The following UBQLN4 variants were observed in gnomAD, a reference collection of about 807,000 sequenced individuals.
UBQLN4 encodes ubiquilin 4, also known as ubiquilin-4.
UBQLN4 carries 11 observed loss-of-function variants against 60.4 expected under a neutral mutation model. The ratio of observed to expected loss-of-function variants is 0.18; its 90% CI spans 0.11 to 0.30. The LOEUF (loss-of-function observed/expected upper bound fraction) is 0.30. UBQLN4 is among the 10% of genes least tolerant of loss of function. The probability of loss-of-function intolerance (pLI) is 1.00; values close to 1 mark genes in which losing one functional copy is unlikely to be tolerated. For missense variants in UBQLN4, 417 were observed against 795.5 expected, an observed-to-expected ratio of 0.52 and a Z score of 5.72; for synonymous variants, 258 against 313.1, an observed-to-expected ratio of 0.82 and a Z score of 1.86.
At chr1:156,033,631 T>TCA (rs1195466987), downstream of UBQLN4, among the ~76,000 whole-genome samples, 1 of 151,832 alleles carries the variant, frequency 6.6e-6, no homozygotes, top group Admixed American at 6.6e-5. Flanking sequence ...TCACCTGAGG[T>TCA]CAGAAGTTCG....
intron 8 of UBQLN4, 55 bp downstream of exon 8, chr1:156,042,098 G>T: frequency 6.2e-7 from 1 of 1,609,362 alleles, no homozygotes; most frequent in African/African-American, 1.3e-5. Context: ...CACCCATTGG[G>T]CTTCAGGGAC....
At chr1:156,045,848 A>G (rs1350388551) in intron 5 of UBQLN4, among the ~76,000 whole-genome samples, 2 of 152,150 alleles carry the variant, frequency 1.3e-5, no homozygotes, top group Non-Finnish European at 2.9e-5. Context: ...TTAACTTGTA[A>G]TAATTTTTTT....
chr1:156,045,037 C>T (rs942691201), intron 5 of UBQLN4, among the ~76,000 whole-genome samples: 20 of 152,182 alleles, frequency 1.3e-4, no homozygotes, highest in African/African-American at 4.8e-4. Flanking sequence ...GAACCTCCTC[C>T]CCTCCAGCAC....
At chr1:156,034,825 CTATATA>C (rs34720108), downstream of UBQLN4, among the ~76,000 whole-genome samples, 192 of 46,376 alleles carry the variant, frequency 4.1e-3, 1 homozygote, top group South Asian at 0.013. Context: ...CCTTAACCTT[CTATATA>C]TATATATATA....
downstream of UBQLN4, among the ~76,000 whole-genome samples, chr1:156,031,389 C>T (rs995266083): frequency 5.9e-5 from 9 of 152,212 alleles, no homozygotes; most frequent in Admixed American, 5.9e-4. Flanking sequence ...CAGGCACAGG[C>T]AGGTTGAATA....
intron 10 of UBQLN4, among the ~76,000 whole-genome samples, chr1:156,038,927 G>T (rs1409871275): frequency 2.6e-5 from 4 of 151,940 alleles, no homozygotes; most frequent in Non-Finnish European, 5.9e-5. Flanking sequence ...GAATAGCTGG[G>T]ATTACAGGTG....
chr1:156,049,502 C>T (rs1420935132), intron 4 of UBQLN4, among the ~76,000 whole-genome samples: 1 of 152,108 alleles, frequency 6.6e-6, no homozygotes, highest in Non-Finnish European at 1.5e-5. Context: ...AATACCTTCC[C>T]TCTCCTTCCC....
At position 156,037,070 on chromosome 1, in the gene UBQLN4, T is replaced by C. The variant is rs1288626174; in HGVS notation, c.1714A>G (p.Ile572Val). 3 of 1,614,104 alleles carry C rather than the reference T, an allele frequency of 1.9e-6. No homozygotes were observed. The African/African-American group carries it at 4.0e-5, about 22-fold the overall frequency. ...GCCTGCAGGTTAGCCTCACGATTGATGAAGCCCATGGAGTTGAGCTGCTCC... is the reference window on the plus strand; with the variant it reads ...GCCTGCAGGTTAGCCTCACGATTGACGAAGCCCATGGAGTTGAGCTGCTCC... ...QLEQLNSMGFINREANLQALI... is the reference protein window; with the variant it reads ...QLEQLNSMGFVNREANLQALI... The change falls in exon 11 of 11, where the codon ATC becomes GTC. Residue 572 changes from isoleucine to valine, a missense_variant. By Grantham distance (29) the Ile-to-Val change is conservative (BLOSUM62 3). Transcript: ENST00000368309.
rs1683790134 is a variant in UBQLN4 at position 156,048,982 on chromosome 1, G to A, written c.742-323C>T. ...GGTGCACAAGGAAACTGAGTCAGAAGAGACACAGAAAGAAAGGGGAGGAGG... is the reference window on the plus strand; with the variant it reads ...GGTGCACAAGGAAACTGAGTCAGAAAAGACACAGAAAGAAAGGGGAGGAGG... On this transcript the variant is annotated intron_variant, in intron 4 of 10. Coordinates refer to ENST00000368309, the MANE Select transcript of UBQLN4 (RefSeq NM_020131.5). This position sits in a 1 kb window ranked among gnomAD's most constrained non-coding sequence, Gnocchi z 4.9. Among the ~76,000 whole-genome samples, 1 of 152,214 alleles carries A rather than the reference G, an allele frequency of 6.6e-6. No homozygotes were observed. Among genetic ancestry groups the A allele is most frequent in the Non-Finnish European group, 1.5e-5 (1 of 68,028 alleles).
chr1:156,050,501 G>A lies in UBQLN4; in HGVS notation c.531C>T (p.Asn177=), dbSNP rs759480925. The A allele has an allele frequency of 3.1e-6, 5 of 1,613,908 alleles. No homozygotes were observed. The highest frequency in any genetic ancestry group is 4.2e-6 in the Non-Finnish European group (5 of 1,180,010). The change falls in exon 4 of 11, where the codon AAC becomes AAT. Residue 177 remains asparagine, a synonymous_variant. Transcript: ENST00000368309. The surrounding 1 kb of genome is among the most constrained non-coding windows in gnomAD (Gnocchi z 4.6). ...GCATCTGCTGCTGCAGCTCCATGAA[G>A]TTGGCAGAGCCCAGGCCTAGGCTGC... ...GLGSLGLGSA[N]FMELQQQMQR...
intron 10 of UBQLN4, among the ~76,000 whole-genome samples, chr1:156,039,071 C>T (rs745422817): frequency 2.0e-5 from 3 of 151,934 alleles, no homozygotes; most frequent in Non-Finnish European, 4.4e-5. Flanking sequence ...GGATTACAGG[C>T]ATGAGCCACC....
chr1:156,039,267 T>G (rs1683484110), intron 10 of UBQLN4, among the ~76,000 whole-genome samples: 1 of 118,036 alleles, frequency 8.5e-6, no homozygotes, highest in Admixed American at 9.1e-5. Flanking sequence ...TTTTTTTTTT[T>G]GAGATGGAGT....
chr1:156,036,949 G>A lies in UBQLN4; in HGVS notation c.*29C>T, dbSNP rs1269170304. On this transcript the variant is annotated 3_prime_UTR_variant, in exon 11 of 11. Transcript: ENST00000368309. ...GAACCGAATGCTGACATCGAGGGAGGGGAGAGGCAGGAGGCATGGGCCGAG... is the reference window on the plus strand; with the variant it reads ...GAACCGAATGCTGACATCGAGGGAGAGGAGAGGCAGGAGGCATGGGCCGAG... 1 of 1,607,736 alleles carries A rather than the reference G, an allele frequency of 6.2e-7. No homozygotes were observed. Among genetic ancestry groups the A allele is most frequent in the African/African-American group, 1.3e-5 (1 of 74,688 alleles).
At chr1:156,039,012 G>A (rs1198155481) in intron 10 of UBQLN4, among the ~76,000 whole-genome samples, 3 of 151,900 alleles carry the variant, frequency 2.0e-5, no homozygotes, top group Non-Finnish European at 2.9e-5. Context: ...GGTGGGTTTT[G>A]AACTCCTGGC....
intron 2 of UBQLN4, among the ~76,000 whole-genome samples, 186 bp from the exon 3 acceptor site, chr1:156,051,513 T>C (rs1198745318): frequency 6.6e-6 from 1 of 152,072 alleles, no homozygotes; most frequent in Admixed American, 6.5e-5. Context: ...AAGGAGCTAG[T>C]ATTATCTGTC....
At chr1:156,049,859 G>A (rs1306033205) in intron 4 of UBQLN4, among the ~76,000 whole-genome samples, 4 of 152,170 alleles carry the variant, frequency 2.6e-5, no homozygotes, top group African/African-American at 9.7e-5. Context: ...CAGCCACAGT[G>A]CTCCCCAAAC....
At chr1:156,037,334 G>A (rs529745259) in intron 10 of UBQLN4, among the ~76,000 whole-genome samples, 3 of 152,178 alleles carry the variant, frequency 2.0e-5, no homozygotes, top group South Asian at 4.1e-4. Flanking sequence ...GGTGGCTCAC[G>A]CCTGTAATCC....
downstream of UBQLN4, among the ~76,000 whole-genome samples, chr1:156,034,296 CTTTTTTT>C (rs59303673): frequency 6.5e-5 from 8 of 123,376 alleles, no homozygotes; most frequent in Non-Finnish European, 9.6e-5. Flanking sequence ...TTTTGTTTTA[CTTTTTTT>C]TTTTTTTTTT....
rs1683384001 is a variant in UBQLN4, at chr1:156,035,820, A to G, written c.*1158T>C. 2.0e-6 allele frequency: 2 copies of G among 985,356 alleles called. No individual in the cohort carries two copies. The highest frequency in any genetic ancestry group is 2.4e-6 in the Non-Finnish European group (2 of 829,896). 61.0% of individuals were successfully genotyped at this position (985,356 alleles called of 1,614,324 possible). ...ATTCCTGCAATGGACTGACCTTTTTACCCACTTGTCTCTGGTGGTGGGAGA... is the reference window on the plus strand; with the variant it reads ...ATTCCTGCAATGGACTGACCTTTTTGCCCACTTGTCTCTGGTGGTGGGAGA... On this transcript the variant is annotated 3_prime_UTR_variant, in exon 11 of 11. Coordinates refer to ENST00000368309, the MANE Select transcript of UBQLN4 (RefSeq NM_020131.5).
Sources: allele counts gnomAD v4.1 joint callset (sites outside exome capture counted in the v4.1 genomes callset), GRCh38; gene constraint gnomAD v4.1.1; non-coding constraint Gnocchi (gnomAD v3.1); transcripts MANE v1.5; gene names NCBI Gene and HGNC (gene_info 2026-07-23, HGNC 2026-07-21).